The following TMEM231 variants were observed in gnomAD, a reference collection of about 807,000 sequenced individuals.
TMEM231 encodes transmembrane protein 231.
TMEM231 carries 40 observed loss-of-function variants against 38.5 expected under a neutral mutation model. That is an observed-to-expected ratio of 1.04 (90% CI 0.81 to 1.35). TMEM231 has a LOEUF of 1.35. Ranked by LOEUF, TMEM231 falls within the 40% of genes most tolerant of loss-of-function variation. TMEM231 has a pLI of 0.00. For synonymous variants in TMEM231, 199 were observed against 181.7 expected, an observed-to-expected ratio of 1.10 and a Z score of -0.77; for missense variants, 420 against 416.9, an observed-to-expected ratio of 1.01 and a Z score of -0.07.
At chr16:75,546,143 C>G in intron 2 of TMEM231, 189 bp from the exon 3 acceptor site, 1 of 1,521,182 alleles carries the variant, frequency 6.6e-7, no homozygotes. Flanking sequence ...GTGCATGGTC[C>G]CTGAACTTCA....
intron 4 of TMEM231, among the ~76,000 whole-genome samples, chr16:75,543,830 T>A (rs182894108): frequency 6.6e-6 from 1 of 152,352 alleles, no homozygotes; most frequent in Non-Finnish European, 1.5e-5. Context: ...TGCAGCTTCC[T>A]ATTCTTTACA....
rs935721217 is a variant in TMEM231, at chr16:75,556,213, C to T, written c.-4G>A. On this transcript the variant is annotated 5_prime_UTR_variant, in exon 1 of 7. Coordinates refer to ENST00000258173, the MANE Select transcript of TMEM231 (RefSeq NM_001077418.3). ...AGAAGAGCTCATAGAGCGCCATGAGCACCGCTCGCAGGCACTCCGCGAGCC... is the reference window on the plus strand; with the variant it reads ...AGAAGAGCTCATAGAGCGCCATGAGTACCGCTCGCAGGCACTCCGCGAGCC... The T allele has an allele frequency of 7.0e-7, 1 of 1,428,330 alleles. No individual in the cohort carries two copies. Among genetic ancestry groups the T allele is most frequent in the Non-Finnish European group, 9.1e-7 (1 of 1,098,140 alleles). 88.5% of individuals were successfully genotyped at this position (1,428,330 alleles called of 1,614,324 possible).
intron 2 of TMEM231, among the ~76,000 whole-genome samples, chr16:75,549,556 C>A (rs2080731749): frequency 6.6e-6 from 1 of 152,148 alleles, no homozygotes; most frequent in South Asian, 2.1e-4. Flanking sequence ...CCTTGTGGGA[C>A]AAGGATCTTG....
In TMEM231 at chr16:75,542,658, G is replaced by A. The variant is rs997609407; in HGVS notation, c.608C>T (p.Pro203Leu). 2.5e-6 allele frequency: 4 copies of A among 1,613,860 alleles called. No homozygotes were observed. The highest frequency in any genetic ancestry group is 3.4e-6 in the Non-Finnish European group (4 of 1,179,858). Residue 203 changes from proline (P) to leucine (L), a missense_variant, in exon 5 of 7, where the codon CCC (proline) becomes CTC (leucine). By Grantham distance (98) the Pro-to-Leu change is moderately conservative. Transcript: ENST00000258173. The part of the protein sequence containing the change: ...YNISVINGTS[P>L]FAYDYDLTHI... ...GGTGAGGTCGTAGTCATAGGCAAAG[G>A]GGCTGGTCCCGTTGATCACGGATAT...
rs2080597168 is a variant in TMEM231, at chr16:75,539,615, GTAGA to G, written c.*375_*378del. 6.1e-6 allele frequency: 1 copy of G among 162,816 alleles called. No individual in the cohort carries two copies. The highest frequency in any genetic ancestry group is 2.4e-5 in the African/African-American group (1 of 41,824). 10.1% of individuals were successfully genotyped at this position (162,816 alleles called of 1,614,324 possible). The stretch of plus-strand genomic sequence containing the variant: ...GAGTAAGAGTGGCTCACAACAGAAG[GTAGA>G]AATGCACAGTGTGTTCCTCAGTTCA... On this transcript the variant is annotated 3_prime_UTR_variant, in exon 7 of 7. Coordinates refer to ENST00000258173, the MANE Select transcript of TMEM231 (RefSeq NM_001077418.3).
At chr16:75,555,765 TC>T (rs1444090003) in intron 2 of TMEM231, 38 bp downstream of exon 2, 1 of 1,471,106 alleles carries the variant, frequency 6.8e-7, no homozygotes, top group Non-Finnish European at 9.0e-7. Context: ...CCCCACCCTA[TC>T]CCCGACTCTG....
At chr16:75,545,300 T>G in intron 4 of TMEM231, 52 bp downstream of exon 4, 1 of 1,573,020 alleles carries the variant, frequency 6.4e-7, no homozygotes, top group Non-Finnish European at 8.7e-7. Context: ...AAGAACTTAA[T>G]GAACAGTAAC....
chr16:75,552,283 A>G (rs11641617), intron 2 of TMEM231, among the ~76,000 whole-genome samples: 38,807 of 151,970 alleles, frequency 0.26, 5,065 homozygotes, highest in Middle Eastern at 0.33. Flanking sequence ...GTAAAACCTC[A>G]TCTATACTAA....
chr16:75,543,846 T>C (rs761855706), intron 4 of TMEM231, among the ~76,000 whole-genome samples: 4 of 152,258 alleles, frequency 2.6e-5, no homozygotes, highest in Admixed American at 6.5e-5. Context: ...TTACAACTTA[T>C]ATTGATTATA....
chr16:75,552,259 G>C (rs1353603590), intron 2 of TMEM231, among the ~76,000 whole-genome samples: 1 of 152,124 alleles, frequency 6.6e-6, no homozygotes, highest in Non-Finnish European at 1.5e-5. Context: ...TTCGAGACCA[G>C]CCTGGCCAAC....
At chr16:75,541,687 T>C in intron 5 of TMEM231, 1 of 309,604 alleles carries the variant, frequency 3.2e-6, no homozygotes, top group Non-Finnish European at 6.0e-6. Flanking sequence ...TTCTTCTACA[T>C]GTGCTGAATG....
intron 2 of TMEM231, among the ~76,000 whole-genome samples, chr16:75,547,008 A>G (rs2080700862): frequency 1.3e-5 from 2 of 152,242 alleles, no homozygotes; most frequent in Non-Finnish European, 2.9e-5. Context: ...ATATGTAGGC[A>G]GTGAAAAAAA....
intron 2 of TMEM231, among the ~76,000 whole-genome samples, chr16:75,550,505 C>T (rs115898056): frequency 0.014 from 2,115 of 152,218 alleles, 59 homozygotes; most frequent in African/African-American, 0.048. Flanking sequence ...GGAAGCTGAG[C>T]GTAGGAGGGT....
Position 75,545,942 on chromosome 16 carries a change from C to T in TMEM231, c.322G>A (p.Asp108Asn), listed in dbSNP as rs759954710. 7.2e-6 allele frequency: 11 copies of T among 1,529,538 alleles called. No individual in the cohort carries two copies. The Admixed American group carries it at 2.3e-4, about 33-fold the overall frequency. 94.7% of individuals were successfully genotyped at this position (1,529,538 alleles called of 1,614,324 possible). A position where few individuals can be genotyped will look rare whatever the true frequency, so the allele number is the denominator to read the frequency against. ...TCCGTCTTCCCATCCTGGTTCCTGT[C>T]TTCTTCTCTAGTCTAGGAAACCCAA... ...RVPLVSTREEDRNQDGKTDML... is the reference protein window; with the variant it reads ...RVPLVSTREENRNQDGKTDML... The change falls in exon 3 of 7, where the codon GAC becomes AAC. Residue 108 changes from aspartate (D) to asparagine (N), a missense_variant. Asp to Asn is a conservative substitution (Grantham distance 23). Coordinates refer to ENST00000258173, the MANE Select transcript of TMEM231 (RefSeq NM_001077418.3).
chr16:75,551,074 T>A (rs1455135140), intron 2 of TMEM231, among the ~76,000 whole-genome samples: 1 of 152,260 alleles, frequency 6.6e-6, no homozygotes, highest in Non-Finnish European at 1.5e-5. Flanking sequence ...TTTCACCATA[T>A]ACTTGTCATC....
At position 75,551,161 on chromosome 16, in the gene TMEM231, C is replaced by G. The variant is rs190110754; in HGVS notation, c.309+4643G>C. On this transcript the variant is annotated intron_variant, in intron 2 of 6. Coordinates refer to ENST00000258173, the MANE Select transcript of TMEM231 (RefSeq NM_001077418.3). ...GGGTCTCTAGCAAAGCAGAAACTGC[C>G]ACTTCGTGGTTCCTTTCCACCTTTC... 1.1e-3 allele frequency among the ~76,000 whole-genome samples: 174 copies of G among 152,280 alleles called. 1 individual carries two copies. The highest frequency in any genetic ancestry group is 2.1e-3 in the Non-Finnish European group (142 of 68,020).
At chr16:75,540,918 A>G (rs2080619174) in intron 6 of TMEM231, among the ~76,000 whole-genome samples, 1 of 152,232 alleles carries the variant, frequency 6.6e-6, no homozygotes, top group African/African-American at 2.4e-5. Flanking sequence ...TAACCCTGTC[A>G]TGATTTCCAA....
chr16:75,547,428 T>C (rs889115761), intron 2 of TMEM231, among the ~76,000 whole-genome samples: 2 of 152,246 alleles, frequency 1.3e-5, no homozygotes, highest in East Asian at 1.9e-4. Flanking sequence ...CCTTTTCTCT[T>C]GGATACTTCC....
At chr16:75,551,921 C>T (rs1597047429) in intron 2 of TMEM231, among the ~76,000 whole-genome samples, 2 of 150,306 alleles carry the variant, frequency 1.3e-5, no homozygotes, top group South Asian at 4.2e-4. Context: ...GAGATTGCGC[C>T]ACTGCACTCC....
Sources: gnomAD v4.1 joint callset for allele counts (sites outside exome capture counted in the v4.1 genomes callset) on GRCh38, gnomAD v4.1.1 for gene constraint, MANE v1.5 for transcripts, NCBI Gene and HGNC (gene_info 2026-07-23, HGNC 2026-07-21) for gene names.